Variants in ASIC2 observed in about 807,000 individuals in gnomAD.
The protein encoded by ASIC2 is acid-sensing ion channel 2.
In ASIC2, 25 loss-of-function variants were observed where a neutral mutation model predicts 57.3. That is an observed-to-expected ratio of 0.44 (90% CI 0.32 to 0.61). The LOEUF (loss-of-function observed/expected upper bound fraction) is 0.61, where lower values mean the gene tolerates loss of function less well. Among genes scored for constraint, ASIC2 ranks in the 20% least tolerant of loss-of-function variants. ASIC2 has a pLI of 0.06. For synonymous variants in ASIC2, 319 were observed against 307.5 expected, an observed-to-expected ratio of 1.04 and a Z score of -0.39; for missense variants, 641 against 738.1, an observed-to-expected ratio of 0.87 and a Z score of 1.52.
chr17:33,957,875 T>C (rs1904787018), intron 1 of ASIC2, among the ~76,000 whole-genome samples: 1 of 152,152 alleles, frequency 6.6e-6, no homozygotes, highest in East Asian at 1.9e-4. Flanking sequence ...ACAAGGCAAG[T>C]CCCTTCTGCC....
chr17:33,123,949 G>A (rs2092313175), intron 1 of ASIC2, among the ~76,000 whole-genome samples: 1 of 152,236 alleles, frequency 6.6e-6, no homozygotes, highest in African/African-American at 2.4e-5. Context: ...TGCATTGAAA[G>A]CGATGCACCA....
chr17:34,029,527 A>G (rs184021013), intron 1 of ASIC2, among the ~76,000 whole-genome samples: 44 of 152,302 alleles, frequency 2.9e-4, no homozygotes, highest in Non-Finnish European at 5.4e-4. Context: ...CCCAAAATTC[A>G]TATGTTGAAG....
At chr17:33,037,422 A>G (rs1188792284) in intron 3 of ASIC2, among the ~76,000 whole-genome samples, 1 of 126,448 alleles carries the variant, frequency 7.9e-6, no homozygotes, top group African/African-American at 3.2e-5. Flanking sequence ...TGCAGAGGTC[A>G]TGATTCAGAT....
intron 1 of ASIC2, among the ~76,000 whole-genome samples, chr17:33,928,646 C>T (rs1428210796): frequency 6.6e-6 from 1 of 152,232 alleles, no homozygotes; most frequent in East Asian, 1.9e-4. Flanking sequence ...AGGGGTGGAG[C>T]TTCTGCACTT....
Position 33,013,938 on chromosome 17 carries a change from AG to A in ASIC2, c.*26del. On this transcript the variant is annotated 3_prime_UTR_variant, in exon 10 of 10. Coordinates refer to ENST00000225823, the MANE Select transcript of ASIC2 (RefSeq NM_183377.2). ...GTCTTGGGCCTCAAGGTCTGTTTGG[AG>A]GGAGTGCTGGGTGACTCGAGGGGTG... The A allele has an allele frequency of 6.6e-7, 1 of 1,526,598 alleles. No homozygotes were observed. 94.6% of individuals were successfully genotyped at this position (1,526,598 alleles called of 1,614,324 possible).
At chr17:33,629,582 C>T (rs1906096234) in intron 1 of ASIC2, among the ~76,000 whole-genome samples, 1 of 152,048 alleles carries the variant, frequency 6.6e-6, no homozygotes, top group South Asian at 2.1e-4. Flanking sequence ...TTGGTGAGTC[C>T]CAGGTTACAT....
intron 1 of ASIC2, among the ~76,000 whole-genome samples, chr17:33,858,594 C>G (rs1252298523): frequency 6.6e-6 from 1 of 152,222 alleles, no homozygotes; most frequent in African/African-American, 2.4e-5. Context: ...AGCGGGACAT[C>G]TCTGCTGCTC....
chr17:33,352,763 T>C (rs1908234066), intron 1 of ASIC2, among the ~76,000 whole-genome samples: 1 of 152,110 alleles, frequency 6.6e-6, no homozygotes, highest in African/African-American at 2.4e-5. Flanking sequence ...ACTCAGCAGG[T>C]CCTCACGTTC....
At chr17:33,860,224 G>A (rs1328709317) in intron 1 of ASIC2, among the ~76,000 whole-genome samples, 1 of 152,178 alleles carries the variant, frequency 6.6e-6, no homozygotes, top group Non-Finnish European at 1.5e-5. Flanking sequence ...CTCAATAAAT[G>A]GGAGGCCTTC....
intron 3 of ASIC2, among the ~76,000 whole-genome samples, chr17:33,055,199 C>T (rs2091993032): frequency 6.6e-6 from 1 of 152,228 alleles, no homozygotes; most frequent in Admixed American, 6.5e-5. Context: ...CCCCTCCTTG[C>T]CAAATGCCTG....
chr17:33,837,158 A>C (rs1661422613), intron 1 of ASIC2, among the ~76,000 whole-genome samples: 1 of 152,090 alleles, frequency 6.6e-6, no homozygotes, highest in Admixed American at 6.6e-5. Context: ...TCTTCTGATA[A>C]GTTTTCGTCT....
At chr17:34,136,960 T>C (rs545665201) in intron 1 of ASIC2, among the ~76,000 whole-genome samples, 91 of 152,336 alleles carry the variant, frequency 6.0e-4, no homozygotes, top group Middle Eastern at 3.4e-3. Flanking sequence ...TCCCTGGCCC[T>C]GGAAGATCCT....
chr17:33,582,131 C>G (rs2142000275), intron 1 of ASIC2, among the ~76,000 whole-genome samples: 1 of 152,250 alleles, frequency 6.6e-6, no homozygotes, highest in South Asian at 2.1e-4. Context: ...AGTTTTAAGC[C>G]ACCGAGTTTG....
At chr17:33,119,808 G>C (rs913921996) in intron 1 of ASIC2, among the ~76,000 whole-genome samples, 1 of 152,202 alleles carries the variant, frequency 6.6e-6, no homozygotes, top group Admixed American at 6.5e-5. Context: ...GAGATGAGGC[G>C]AATGTGACCG....
At chr17:33,609,866 T>G in intron 1 of ASIC2, among the ~76,000 whole-genome samples, 1 of 148,604 alleles carries the variant, frequency 6.7e-6, no homozygotes, top group African/African-American at 2.5e-5. Flanking sequence ...GAGAGAGGGG[T>G]TGAGGAAGGA....
rs569184243 is a variant in ASIC2 at position 33,879,826 on chromosome 17, C to A, written c.555+276152G>T. On this transcript the variant is annotated intron_variant, in intron 1 of 9. Transcript: ENST00000359872. ...CATTGTTTTCAGCACCACACCACAC[C>A]TATTCCAAAACTGACCACATAGTTG... Among the ~76,000 whole-genome samples the A allele has an allele frequency of 1.1e-3, 170 of 152,316 alleles. 1 individual carries two copies. Among genetic ancestry groups the A allele is most frequent in the Non-Finnish European group, 2.1e-3 (142 of 68,024 alleles).
At chr17:34,022,642 A>C (rs1167124062) in intron 1 of ASIC2, among the ~76,000 whole-genome samples, 4 of 131,318 alleles carry the variant, frequency 3.0e-5, no homozygotes, top group African/African-American at 9.5e-5. Context: ...AAAAAAAAAC[A>C]AAAAAAAAAA....
intron 1 of ASIC2, among the ~76,000 whole-genome samples, chr17:34,033,213 C>G (rs900537307): frequency 1.3e-5 from 2 of 152,196 alleles, no homozygotes; most frequent in Admixed American, 1.3e-4. Flanking sequence ...AAGAAACTCA[C>G]TCAAAACCAC....
intron 1 of ASIC2, among the ~76,000 whole-genome samples, chr17:33,304,583 T>C (rs1039204746): frequency 7.9e-5 from 12 of 152,206 alleles, no homozygotes; most frequent in African/African-American, 2.7e-4. Flanking sequence ...GCTGACCTCA[T>C]TCCCCCTGGC....
Sources: allele counts gnomAD v4.1 joint callset (sites outside exome capture counted in the v4.1 genomes callset), GRCh38; gene constraint gnomAD v4.1.1; transcripts MANE v1.5; gene names NCBI Gene and HGNC (gene_info 2026-07-23, HGNC 2026-07-21).